CD226: variants seen among roughly 807,000 people sequenced by gnomAD.
The protein encoded by CD226 is CD226 antigen.
Under a neutral mutation model 34.9 loss-of-function variants are expected in CD226, and 24 were observed. That is an observed-to-expected ratio of 0.69 (90% CI 0.50 to 0.97). The LOEUF (loss-of-function observed/expected upper bound fraction) is 0.97, where lower values mean the gene tolerates loss of function less well. Ranked by LOEUF, CD226 falls within the 50% of genes least tolerant of loss-of-function variation. CD226 has a pLI of 0.00. For missense variants in CD226, 397 were observed against 412.7 expected (o/e 0.96, Z 0.33); for synonymous variants, 148 against 147.4 (o/e 1.00, Z -0.03).
At chr18:69,953,275 G>A (rs1049681024) in intron 1 of CD226, among the ~76,000 whole-genome samples, 1 of 152,182 alleles carries the variant, frequency 6.6e-6, no homozygotes, top group Non-Finnish European at 1.5e-5. Context: ...GTTTACAGCA[G>A]CATTATTCAC....
At chr18:69,924,340 G>C (rs2145316957) in intron 2 of CD226, among the ~76,000 whole-genome samples, 1 of 152,186 alleles carries the variant, frequency 6.6e-6, no homozygotes, top group East Asian at 1.9e-4. Context: ...TTGCATTGCG[G>C]AATGAAATAG....
rs138441839 is a variant in CD226 at position 69,853,950 on chromosome 18, C to T, written c.*10364G>A. 4 of 152,078 alleles carry T rather than the reference C, an allele frequency of 2.6e-5. No individual in the cohort carries two copies. The highest frequency in any genetic ancestry group is 2.1e-4 in the South Asian group (1 of 4,818). The allele number at this position is 152,078 out of a possible 1,614,324, so 9.4% of individuals were successfully genotyped here. A position where few individuals can be genotyped will look rare whatever the true frequency, so the allele number is the denominator to read the frequency against. The stretch of plus-strand genomic sequence containing the variant: ...AAGATGAGCCAAAGAGCAGCCTAGA[C>T]GAGAGCAAGTCATATGGAATGGAGT... On this transcript the variant is annotated 3_prime_UTR_variant, in exon 6 of 6. Transcript: ENST00000582621.
At chr18:69,900,395 T>C (rs190037541) in intron 2 of CD226, among the ~76,000 whole-genome samples, 1,559 of 152,304 alleles carry the variant, frequency 0.01, 21 homozygotes, top group South Asian at 0.044. Context: ...TATTTACCTA[T>C]GCAACAAACC....
At chr18:69,906,239 G>A (rs139842697) in intron 2 of CD226, among the ~76,000 whole-genome samples, 5 of 152,084 alleles carry the variant, frequency 3.3e-5, no homozygotes, top group East Asian at 1.9e-4. Flanking sequence ...TACTATATAC[G>A]CCTAGATGTG....
upstream of CD226, among the ~76,000 whole-genome samples, chr18:69,958,788 A>AACACAC (rs59835947): frequency 0.036 from 5,121 of 143,718 alleles, 301 homozygotes; most frequent in African/African-American, 0.12. Context: ...TTCACAGGCA[A>AACACAC]ACACACACAC....
At chr18:69,949,626 C>G (rs1432002443), upstream of CD226, among the ~76,000 whole-genome samples, 1 of 152,088 alleles carries the variant, frequency 6.6e-6, no homozygotes, top group Non-Finnish European at 1.5e-5. Context: ...GACACACTCA[C>G]GTGCTCAAAT....
At chr18:69,955,972 C>T (rs2055894321) in intron 1 of CD226, among the ~76,000 whole-genome samples, 1 of 151,922 alleles carries the variant, frequency 6.6e-6, no homozygotes, top group East Asian at 1.9e-4. Context: ...GCCACATGGT[C>T]TCCTCTAGAC....
At chr18:69,874,958 A>G (rs549784645) in intron 3 of CD226, among the ~76,000 whole-genome samples, 1 of 152,098 alleles carries the variant, frequency 6.6e-6, no homozygotes, top group South Asian at 2.1e-4. Context: ...TATGTACCAC[A>G]TTTTCTTTAT....
At chr18:69,881,765 G>A (rs993130120) in intron 3 of CD226, among the ~76,000 whole-genome samples, 1 of 152,134 alleles carries the variant, frequency 6.6e-6, no homozygotes, top group Non-Finnish European at 1.5e-5. Context: ...AAAGGCACAG[G>A]TACTGTTGGT....
intron 2 of CD226, among the ~76,000 whole-genome samples, chr18:69,915,913 C>G (rs2055379834): frequency 6.6e-6 from 1 of 152,122 alleles, no homozygotes; most frequent in Non-Finnish European, 1.5e-5. Flanking sequence ...GGATCAGAAT[C>G]AAATCACAGG....
intron 2 of CD226, among the ~76,000 whole-genome samples, chr18:69,912,159 T>G (rs1375181090): frequency 6.6e-6 from 1 of 152,170 alleles, no homozygotes; most frequent in African/African-American, 2.4e-5. Context: ...TCAAGATGGA[T>G]TAAAGACTTA....
chr18:69,864,573 A>C, intron 5 of CD226, 134 bp from the exon 6 acceptor site: 1 of 829,022 alleles, frequency 1.2e-6, no homozygotes, highest in Non-Finnish European at 1.9e-6. Flanking sequence ...TTGATAAAAC[A>C]TTCTCATTGT....
chr18:69,888,941 G>T (rs1300547665), intron 3 of CD226, among the ~76,000 whole-genome samples: 7 of 151,922 alleles, frequency 4.6e-5, no homozygotes, highest in African/African-American at 1.5e-4. Context: ...AAAAATGACT[G>T]CAGGCAAACA....
chr18:69,925,280 TGCTGGGACAA>T (rs1387839640), intron 2 of CD226, among the ~76,000 whole-genome samples: 4 of 152,200 alleles, frequency 2.6e-5, no homozygotes, highest in African/African-American at 9.7e-5. Context: ...TGAGAGAATG[TGCTGGGACAA>T]GTACTTCGTG....
At chr18:69,934,899 TC>T (rs2055633289) in intron 2 of CD226, among the ~76,000 whole-genome samples, 1 of 152,152 alleles carries the variant, frequency 6.6e-6, no homozygotes. Context: ...CTTAACAGTT[TC>T]AAAATCTTAA....
intron 2 of CD226, among the ~76,000 whole-genome samples, chr18:69,923,261 GAA>G (rs1599012174): frequency 6.6e-6 from 1 of 151,974 alleles, no homozygotes; most frequent in Admixed American, 6.6e-5. Context: ...AGGAAGGAAA[GAA>G]AATCTGATAA....
upstream of CD226, among the ~76,000 whole-genome samples, chr18:69,950,523 G>T (rs1429442297): frequency 6.6e-6 from 1 of 152,214 alleles, no homozygotes; most frequent in African/African-American, 2.4e-5. Context: ...CAGGTTGGTG[G>T]TCGGGAAAGG....
upstream of CD226, among the ~76,000 whole-genome samples, chr18:69,960,732 G>A (rs1395974242): frequency 1.3e-5 from 2 of 152,224 alleles, no homozygotes; most frequent in Non-Finnish European, 2.9e-5. Context: ...TTACAGGCAT[G>A]AGCCACTGTG....
intron 2 of CD226, among the ~76,000 whole-genome samples, chr18:69,913,085 T>A (rs1325988368): frequency 6.6e-6 from 1 of 152,130 alleles, no homozygotes; most frequent in South Asian, 2.1e-4. Flanking sequence ...GATGGGCAGA[T>A]TCCTCTAGCA....
Sources: allele counts gnomAD v4.1 joint callset (sites outside exome capture counted in the v4.1 genomes callset), GRCh38; gene constraint gnomAD v4.1.1; transcripts MANE v1.5; gene names NCBI Gene and HGNC (gene_info 2026-07-23, HGNC 2026-07-21).